The following KDM4B variants were observed in gnomAD, a reference collection of about 807,000 sequenced individuals.
KDM4B encodes lysine demethylase 4B.
A neutral mutation model predicts 125.2 loss-of-function variants in KDM4B; 32 were observed. The observed-to-expected ratio is 0.26, with a 90% CI of 0.19 to 0.34. KDM4B has a LOEUF of 0.34. KDM4B is among the 10% of genes least tolerant of loss of function. The pLI is 1.00. For missense variants in KDM4B, 1,190 were observed against 1,577.7 expected, an observed-to-expected ratio of 0.75 and a Z score of 4.16; for synonymous variants, 721 against 677.9, an observed-to-expected ratio of 1.06 and a Z score of -0.99.
chr19:5,147,377 G>A (rs2146113877), intron 21 of KDM4B, among the ~76,000 whole-genome samples: 1 of 152,252 alleles, frequency 6.6e-6, no homozygotes, highest in South Asian at 2.1e-4. Flanking sequence ...TCATTGTCAT[G>A]TCACCAGAGC....
At chr19:4,969,882 C>A (rs1173208767) in intron 1 of KDM4B, among the ~76,000 whole-genome samples, 1 of 151,872 alleles carries the variant, frequency 6.6e-6, no homozygotes, top group African/African-American at 2.4e-5. Context: ...TAAGCATATG[C>A]AATCTGGATT....
At chr19:5,020,234 TTGTTGA>T (rs773066401) in intron 2 of KDM4B, among the ~76,000 whole-genome samples, 58 of 143,886 alleles carry the variant, frequency 4.0e-4, no homozygotes, top group Middle Eastern at 3.9e-3. Context: ...TGTGCAGGTG[TTGTTGA>T]TGTTGGTGTG....
Position 5,135,570 on chromosome 19 carries a change from C to T in KDM4B, c.2308+9C>T, listed in dbSNP as rs1459925599. 3.8e-6 allele frequency: 6 copies of T among 1,579,950 alleles called. No individual in the cohort carries two copies. The highest frequency in any genetic ancestry group is 1.3e-5 in the African/African-American group (1 of 74,144). ...CCTGCAGGTCCATGCCAGTGAGTGC[C>T]ACTGTGGGGCCCAGAGGAGCTGCGC... On this transcript the variant is annotated intron_variant, in intron 15 of 22. Coordinates refer to ENST00000159111, the MANE Select transcript of KDM4B (RefSeq NM_015015.3).
In KDM4B at chr19:5,131,506, A is replaced by C. The variant is rs761739656; in HGVS notation, c.1746A>C (p.Ala582=). The C allele has an allele frequency of 7.6e-7, 1 of 1,323,328 alleles. No individual in the cohort carries two copies. The highest frequency in any genetic ancestry group is 2.4e-5 in the African/African-American group (1 of 41,106). 82.0% of individuals were successfully genotyped at this position (1,323,328 alleles called of 1,614,324 possible). A position where few individuals can be genotyped will look rare whatever the true frequency, so the allele number is the denominator to read the frequency against. ...GPEDGAASSG[A]GRMETKARAG... ...AGGACGGTGCAGCCAGCAGTGGGGC[A>C]GGTCGCATGGAGACCAAAGCCCGGG... Residue 582 remains alanine (A), a synonymous_variant, in exon 12 of 23, where the codon GCA becomes GCC. Coordinates refer to ENST00000159111, the MANE Select transcript of KDM4B (RefSeq NM_015015.3).
chr19:4,972,148 G>A (rs1185128385), intron 1 of KDM4B, among the ~76,000 whole-genome samples: 1 of 152,188 alleles, frequency 6.6e-6, no homozygotes, highest in African/African-American at 2.4e-5. Flanking sequence ...GGACAGAAGA[G>A]CAGGGGCCCA....
At chr19:5,099,791 A>G (rs2038896975) in intron 9 of KDM4B, among the ~76,000 whole-genome samples, 1 of 152,374 alleles carries the variant, frequency 6.6e-6, no homozygotes, top group Admixed American at 6.5e-5. Flanking sequence ...GGACACAGTG[A>G]GAAGGCACCA....
At chr19:5,052,104 C>T (rs1461659172) in intron 6 of KDM4B, among the ~76,000 whole-genome samples, 1 of 152,106 alleles carries the variant, frequency 6.6e-6, no homozygotes, top group African/African-American at 2.4e-5. Flanking sequence ...AAGACTCCAC[C>T]AGCCTCCCTT....
At chr19:5,120,442 C>T (rs1222280613) in intron 11 of KDM4B, among the ~76,000 whole-genome samples, 2 of 152,236 alleles carry the variant, frequency 1.3e-5, no homozygotes, top group African/African-American at 2.4e-5. Flanking sequence ...CTGGGGCCCC[C>T]GTCAGCAGGT....
At chr19:5,086,947 C>T (rs901856918) in intron 9 of KDM4B, among the ~76,000 whole-genome samples, 3 of 152,254 alleles carry the variant, frequency 2.0e-5, no homozygotes, top group Non-Finnish European at 4.4e-5. Context: ...TACGATCTCC[C>T]TGCAGCAGGT....
chr19:5,021,235 A>G (rs2036110672), intron 2 of KDM4B, among the ~76,000 whole-genome samples: 1 of 151,772 alleles, frequency 6.6e-6, no homozygotes, highest in South Asian at 2.1e-4. Flanking sequence ...CTCTGACATC[A>G]TGTGCTGTTT....
chr19:4,971,356 G>T lies in KDM4B; in HGVS notation c.-109+2126G>T, dbSNP rs959058357. 6.6e-6 allele frequency among the ~76,000 whole-genome samples: 1 copy of T among 152,210 alleles called. No individual in the cohort carries two copies. The highest frequency in any genetic ancestry group is 1.9e-4 in the East Asian group (1 of 5,170). Reference sequence around the variant, plus strand: ...GAGCCCTCTGGGGTGGCCAGGGGCCGTCCTCTGTGTCCTTCTCTCCCACCT... The same window carrying T: ...GAGCCCTCTGGGGTGGCCAGGGGCCTTCCTCTGTGTCCTTCTCTCCCACCT... On this transcript the variant is annotated intron_variant, in intron 1 of 22. Transcript: ENST00000159111. The surrounding 1 kb of genome is among the most constrained non-coding windows in gnomAD (Gnocchi z 4.1).
At chr19:5,042,516 G>A (rs1013227045) in intron 5 of KDM4B, among the ~76,000 whole-genome samples, 1 of 150,492 alleles carries the variant, frequency 6.6e-6, no homozygotes, top group Non-Finnish European at 1.5e-5. Flanking sequence ...AAAAAAAAAA[G>A]AAGGAAACAA....
At chr19:5,123,798 C>A (rs1281508626) in intron 11 of KDM4B, among the ~76,000 whole-genome samples, 1 of 152,214 alleles carries the variant, frequency 6.6e-6, no homozygotes, top group African/African-American at 2.4e-5. Flanking sequence ...GTAGCCAGGC[C>A]TCCTGTTTTC....
intron 1 of KDM4B, among the ~76,000 whole-genome samples, chr19:5,012,960 C>G (rs933897615): frequency 6.6e-6 from 1 of 152,252 alleles, no homozygotes; most frequent in African/African-American, 2.4e-5. Flanking sequence ...GCAGTGGAGG[C>G]AGGCTAGCCC....
chr19:5,066,743 G>A (rs11880635), intron 6 of KDM4B, among the ~76,000 whole-genome samples: 2,061 of 152,326 alleles, frequency 0.014, 44 homozygotes, highest in African/African-American at 0.046. Flanking sequence ...CAGGTATATG[G>A]CTCCAGATCC....
At chr19:5,117,576 G>A (rs1311979922) in intron 10 of KDM4B, among the ~76,000 whole-genome samples, 1 of 152,148 alleles carries the variant, frequency 6.6e-6, no homozygotes, top group East Asian at 1.9e-4. Context: ...TCCTGAGCCT[G>A]CTGTCTCCAT....
intron 18 of KDM4B, among the ~76,000 whole-genome samples, chr19:5,143,283 G>A (rs2613794): frequency 0.31 from 46,981 of 150,588 alleles, 7,345 homozygotes; most frequent in East Asian, 0.46. Flanking sequence ...TGATCGCGCC[G>A]TGTGCTCCAG....
At chr19:5,077,171 G>A in intron 7 of KDM4B, 196 bp from the exon 8 acceptor site, 3 of 606,612 alleles carry the variant, frequency 4.9e-6, no homozygotes, top group Admixed American at 2.9e-5. Context: ...CTATGGGGCG[G>A]CTCCTGCGCA....
chr19:5,017,719 A>C (rs1056497815), intron 2 of KDM4B, among the ~76,000 whole-genome samples: 4 of 152,142 alleles, frequency 2.6e-5, no homozygotes, highest in Non-Finnish European at 5.9e-5. Flanking sequence ...TTGCTCTGTC[A>C]GTTAGCTTTA....
Sources: allele counts gnomAD v4.1 joint callset (sites outside exome capture counted in the v4.1 genomes callset), GRCh38; gene constraint gnomAD v4.1.1; non-coding constraint Gnocchi (gnomAD v3.1); transcripts MANE v1.5; gene names NCBI Gene and HGNC (gene_info 2026-07-23, HGNC 2026-07-21).